Variants in PRKCE observed in about 807,000 individuals in gnomAD.
PRKCE encodes the protein protein kinase C epsilon.
PRKCE carries 16 observed loss-of-function variants against 85.4 expected under a neutral mutation model. The ratio of observed to expected loss-of-function variants is 0.19; its 90% CI spans 0.13 to 0.28. PRKCE has a LOEUF of 0.28. Ranked by LOEUF, PRKCE falls within the 10% of genes least tolerant of loss-of-function variation. The pLI, the probability that PRKCE is intolerant of heterozygous loss-of-function variation, is 1.00. For synonymous variants in PRKCE, 388 were observed against 371.5 expected (o/e 1.04, Z -0.51); for missense variants, 573 against 975.2 (o/e 0.59, Z 5.49).
At chr2:45,925,645 G>A (rs1698560062) in intron 2 of PRKCE, among the ~76,000 whole-genome samples, 1 of 152,234 alleles carries the variant, frequency 6.6e-6, no homozygotes, top group Non-Finnish European at 1.5e-5. Context: ...CATTTACTGT[G>A]TACCTAGGAT....
chr2:45,690,947 C>A (rs973620405), intron 1 of PRKCE, among the ~76,000 whole-genome samples: 6 of 152,172 alleles, frequency 3.9e-5, no homozygotes, highest in Admixed American at 1.3e-4. Context: ...CAGGGCACTG[C>A]AAATTTATTT....
intron 1 of PRKCE, among the ~76,000 whole-genome samples, chr2:45,733,527 G>A (rs1681769371): frequency 6.6e-6 from 1 of 152,204 alleles, no homozygotes; most frequent in African/African-American, 2.4e-5. Context: ...AAGGTAAGGG[G>A]CATTGGAATT....
intron 1 of PRKCE, among the ~76,000 whole-genome samples, chr2:45,744,473 CTTTCTTTCTT>C (rs1682915317): frequency 7.7e-5 from 3 of 39,098 alleles, no homozygotes; most frequent in Non-Finnish European, 1.6e-4. Flanking sequence ...TTCTTTCTTT[CTTTCTTTCTT>C]TCTTTTTCTT....
intron 1 of PRKCE, among the ~76,000 whole-genome samples, chr2:45,738,553 A>G (rs998940893): frequency 3.3e-5 from 5 of 152,130 alleles, no homozygotes; most frequent in Non-Finnish European, 7.4e-5. Flanking sequence ...GATTGCCTTT[A>G]TGATGGAGAT....
chr2:45,912,124 G>A (rs1478174597), intron 2 of PRKCE, among the ~76,000 whole-genome samples: 1 of 152,028 alleles, frequency 6.6e-6, no homozygotes, highest in South Asian at 2.1e-4. Context: ...CCCTCTCATA[G>A]AACTGGGGAG....
intron 2 of PRKCE, among the ~76,000 whole-genome samples, chr2:45,944,401 A>G (rs1214505482): frequency 1.3e-5 from 2 of 152,196 alleles, no homozygotes; most frequent in Non-Finnish European, 2.9e-5. Flanking sequence ...AGTGATGGCT[A>G]TGCTGGTATA....
In PRKCE at chr2:46,118,781, C is replaced by T. The variant is rs145525832; in HGVS notation, c.1593-26312C>T. ...AAGATCCCTAGAGATGGATGGGAGTCGCTGTGGAATCTGGCAGTTTGGGCG... is the reference window on the plus strand; with the variant it reads ...AAGATCCCTAGAGATGGATGGGAGTTGCTGTGGAATCTGGCAGTTTGGGCG... On this transcript the variant is annotated intron_variant, in intron 11 of 14. Transcript: ENST00000306156. 1.3e-4 allele frequency among the ~76,000 whole-genome samples: 20 copies of T among 152,282 alleles called. No homozygotes were observed. The East Asian group carries it at 2.3e-3, about 18-fold the overall frequency.
intron 1 of PRKCE, among the ~76,000 whole-genome samples, chr2:45,662,398 G>A (rs1675710631): frequency 1.3e-5 from 2 of 152,070 alleles, no homozygotes; most frequent in South Asian, 2.1e-4. Flanking sequence ...CAGAGCCTGG[G>A]GAAACCTAGA....
intron 6 of PRKCE, among the ~76,000 whole-genome samples, chr2:45,987,507 T>G (rs1703431850): frequency 6.6e-6 from 1 of 152,150 alleles, no homozygotes; most frequent in Non-Finnish European, 1.5e-5. Flanking sequence ...AGAAACCTTA[T>G]TTTTTTAAGA....
chr2:45,935,310 AT>A, intron 2 of PRKCE, among the ~76,000 whole-genome samples: 1 of 152,332 alleles, frequency 6.6e-6, no homozygotes, highest in Non-Finnish European at 1.5e-5. Context: ...TTAAACAAAC[AT>A]TCTGCCATTC....
intron 11 of PRKCE, among the ~76,000 whole-genome samples, chr2:46,092,379 C>T (rs1427776213): frequency 6.6e-6 from 1 of 152,148 alleles, no homozygotes; most frequent in African/African-American, 2.4e-5. Flanking sequence ...ATCATCATTC[C>T]CTGAGAGTCA....
intron 1 of PRKCE, among the ~76,000 whole-genome samples, chr2:45,715,574 G>C (rs1680019342): frequency 6.6e-6 from 1 of 152,178 alleles, no homozygotes; most frequent in Non-Finnish European, 1.5e-5. Flanking sequence ...ATCTCTCCCA[G>C]AGACTTGGCT....
intron 2 of PRKCE, among the ~76,000 whole-genome samples, chr2:45,856,049 C>G (rs1692643988): frequency 6.6e-6 from 1 of 151,918 alleles, no homozygotes; most frequent in African/African-American, 2.4e-5. Context: ...GAATCCTAAG[C>G]CTTTCTTTCT....
At chr2:45,731,648 G>T (rs1681587141) in intron 1 of PRKCE, among the ~76,000 whole-genome samples, 1 of 144,716 alleles carries the variant, frequency 6.9e-6, no homozygotes, top group Admixed American at 6.9e-5. Flanking sequence ...TTTTGAGGCA[G>T]GGTCTCACTC....
At position 45,909,810 on chromosome 2, in the gene PRKCE, C is replaced by T. The variant is rs553253371; in HGVS notation, c.413-66619C>T. Among the ~76,000 whole-genome samples the T allele has an allele frequency of 3.6e-4, 55 of 152,332 alleles. No homozygotes were observed. In the East Asian group the frequency reaches 7.7e-3, roughly 21 times the overall value. ...GGTCACCATACCTGTCTCTTTCCTTCAGGCAGGTATTCCAAGCCACTGCCC... is the reference window on the plus strand; with the variant it reads ...GGTCACCATACCTGTCTCTTTCCTTTAGGCAGGTATTCCAAGCCACTGCCC... On this transcript the variant is annotated intron_variant, in intron 2 of 14. Coordinates refer to ENST00000306156, the MANE Select transcript of PRKCE (RefSeq NM_005400.3).
chr2:45,813,378 C>T (rs1011907415), intron 1 of PRKCE, among the ~76,000 whole-genome samples: 1 of 152,164 alleles, frequency 6.6e-6, no homozygotes, highest in Non-Finnish European at 1.5e-5. Context: ...AGAGGCAGAT[C>T]CCTCTTCCTC....
At chr2:46,049,027 G>C (rs1465894837) in intron 10 of PRKCE, among the ~76,000 whole-genome samples, 1 of 152,162 alleles carries the variant, frequency 6.6e-6, no homozygotes, top group Admixed American at 6.5e-5. Context: ...ATTTAGTTAG[G>C]CTCTTCTCTG....
chr2:45,699,207 C>A (rs1243185145), intron 1 of PRKCE, among the ~76,000 whole-genome samples: 1 of 152,052 alleles, frequency 6.6e-6, no homozygotes, highest in African/African-American at 2.4e-5. Context: ...AGGAGGGGCT[C>A]CCCCTAATCC....
At chr2:45,860,918 C>T (rs1320622092) in intron 2 of PRKCE, among the ~76,000 whole-genome samples, 1 of 152,240 alleles carries the variant, frequency 6.6e-6, no homozygotes, top group Admixed American at 6.5e-5. Context: ...CTCTTCTTTG[C>T]TGCTCCTTAA....
Sources: allele counts gnomAD v4.1 joint callset (sites outside exome capture counted in the v4.1 genomes callset), GRCh38; gene constraint gnomAD v4.1.1; transcripts MANE v1.5; gene names NCBI Gene and HGNC (gene_info 2026-07-23, HGNC 2026-07-21).